The following RSRC1 variants were observed in gnomAD, a reference collection of about 807,000 sequenced individuals.
RSRC1 encodes serine/Arginine-related protein 53.
RSRC1 carries 39 observed loss-of-function variants against 49.1 expected under a neutral mutation model. The observed-to-expected ratio is 0.79, with a 90% CI of 0.61 to 1.04. RSRC1 has a LOEUF of 1.04. Ranked by LOEUF, RSRC1 falls within the 50% of genes least tolerant of loss-of-function variation. The pLI is 0.00. For synonymous variants in RSRC1, 143 were observed against 130.8 expected (o/e 1.09, Z -0.63); for missense variants, 388 against 402.4 (o/e 0.96, Z 0.31).
intron 4 of RSRC1, among the ~76,000 whole-genome samples, chr3:158,214,534 CTT>C (rs1336050056): frequency 6.6e-6 from 1 of 151,076 alleles, no homozygotes; most frequent in Admixed American, 6.6e-5. Context: ...GATTTGTGAT[CTT>C]TTTTCTTTTC....
chr3:158,368,496 G>A (rs190957423), intron 6 of RSRC1, among the ~76,000 whole-genome samples: 2 of 152,322 alleles, frequency 1.3e-5, no homozygotes, highest in South Asian at 2.1e-4. Flanking sequence ...GGCTGACAGG[G>A]AGCAGGTTCC....
intron 7 of RSRC1, among the ~76,000 whole-genome samples, chr3:158,531,564 C>T (rs1017201094): frequency 5.9e-5 from 9 of 151,704 alleles, no homozygotes; most frequent in Admixed American, 5.9e-4. Flanking sequence ...GAGCCTCGTC[C>T]GCATATGTAA....
intron 3 of RSRC1, among the ~76,000 whole-genome samples, chr3:158,171,127 A>G (rs1351763800): frequency 6.6e-6 from 1 of 152,190 alleles, no homozygotes; most frequent in East Asian, 1.9e-4. Flanking sequence ...ATGTGAGTGG[A>G]GAGATTCAAA....
At chr3:158,383,678 G>A (rs1228370958) in intron 6 of RSRC1, among the ~76,000 whole-genome samples, 4 of 152,092 alleles carry the variant, frequency 2.6e-5, no homozygotes, top group East Asian at 1.9e-4. Context: ...GTGGTGGTGT[G>A]TCTTTATTTT....
At chr3:158,405,534 T>A (rs1448242054) in intron 6 of RSRC1, among the ~76,000 whole-genome samples, 2 of 152,144 alleles carry the variant, frequency 1.3e-5, no homozygotes, top group African/African-American at 4.8e-5. Context: ...CAGTTTTTAC[T>A]TTGGATTTTT....
At chr3:158,483,797 G>A (rs1048684546) in intron 7 of RSRC1, among the ~76,000 whole-genome samples, 2 of 151,708 alleles carry the variant, frequency 1.3e-5, no homozygotes, top group African/African-American at 4.8e-5. Flanking sequence ...GCATTTTTTT[G>A]TTTCTTTTAT....
At chr3:158,360,781 A>G (rs1436145311) in intron 6 of RSRC1, among the ~76,000 whole-genome samples, 1 of 152,216 alleles carries the variant, frequency 6.6e-6, no homozygotes, top group Admixed American at 6.5e-5. Context: ...CAAGCCTGCA[A>G]GGGCAAGGCG....
At chr3:158,365,543 A>C (rs944170812) in intron 6 of RSRC1, among the ~76,000 whole-genome samples, 1 of 152,140 alleles carries the variant, frequency 6.6e-6, no homozygotes, top group Non-Finnish European at 1.5e-5. Context: ...TATCCAGTCT[A>C]TCATTGATGG....
intron 7 of RSRC1, among the ~76,000 whole-genome samples, chr3:158,512,436 G>A (rs867007769): frequency 0.013 from 1,934 of 150,660 alleles, 43 homozygotes; most frequent in African/African-American, 0.045. Flanking sequence ...GATATGCGGC[G>A]TTATTTCTGA....
At chr3:158,276,287 A>G (rs1725808365) in intron 4 of RSRC1, 1 of 762,834 alleles carries the variant, frequency 1.3e-6, no homozygotes, top group Non-Finnish European at 2.4e-6. Context: ...ACAATTTATC[A>G]GGCCAGATGG....
chr3:158,483,124 A>G (rs1404555042), intron 7 of RSRC1, among the ~76,000 whole-genome samples: 2 of 152,030 alleles, frequency 1.3e-5, no homozygotes, highest in African/African-American at 4.8e-5. Flanking sequence ...CATTTTCAAC[A>G]AAAGAAAAAG....
chr3:158,362,199 G>GC (rs1731513819), intron 6 of RSRC1, among the ~76,000 whole-genome samples: 1 of 152,074 alleles, frequency 6.6e-6, no homozygotes, highest in Non-Finnish European at 1.5e-5. Context: ...AATTAGCCAG[G>GC]CATGGTGGCA....
At chr3:158,509,564 G>T (rs1056508966) in intron 7 of RSRC1, among the ~76,000 whole-genome samples, 1 of 151,928 alleles carries the variant, frequency 6.6e-6, no homozygotes, top group Non-Finnish European at 1.5e-5. Flanking sequence ...TGGGAGGATC[G>T]CTTGAGCCCA....
At chr3:158,132,834 T>G (rs1460219707) in intron 3 of RSRC1, among the ~76,000 whole-genome samples, 1 of 152,214 alleles carries the variant, frequency 6.6e-6, no homozygotes, top group Non-Finnish European at 1.5e-5. Context: ...AATCCTTCAA[T>G]TTGTCCATGA....
intron 6 of RSRC1, among the ~76,000 whole-genome samples, chr3:158,361,741 T>C (rs986085913): frequency 2.0e-5 from 3 of 152,232 alleles, no homozygotes; most frequent in Non-Finnish European, 2.9e-5. Context: ...TCCATTGGTC[T>C]TCAAGTTTCC....
intron 7 of RSRC1, among the ~76,000 whole-genome samples, chr3:158,530,913 T>TAAA (rs200580489): frequency 3.1e-5 from 3 of 95,626 alleles, no homozygotes; most frequent in African/African-American, 1.3e-4. Flanking sequence ...AAATAATAAA[T>TAAA]AAAAAAAAAA....
At chr3:158,256,986 G>T (rs1724600896) in intron 4 of RSRC1, among the ~76,000 whole-genome samples, 1 of 151,934 alleles carries the variant, frequency 6.6e-6, no homozygotes, top group Non-Finnish European at 1.5e-5. Context: ...TCTTGCTAGT[G>T]GTCTGTCAAT....
At chr3:158,511,992 G>C (rs373188046) in intron 7 of RSRC1, among the ~76,000 whole-genome samples, 3 of 143,528 alleles carry the variant, frequency 2.1e-5, no homozygotes, top group Non-Finnish European at 4.6e-5. Flanking sequence ...TAAATTTGTT[G>C]GAGTTCATTG....
chr3:158,261,965 C>T (rs943398252), intron 4 of RSRC1, among the ~76,000 whole-genome samples: 13 of 152,200 alleles, frequency 8.5e-5, no homozygotes, highest in African/African-American at 3.1e-4. Flanking sequence ...TTCTGCCACT[C>T]TGCAACACCT....
Sources: allele counts gnomAD v4.1 joint callset (sites outside exome capture counted in the v4.1 genomes callset), GRCh38; gene constraint gnomAD v4.1.1; transcripts MANE v1.5; gene names NCBI Gene and HGNC (gene_info 2026-07-23, HGNC 2026-07-21).